Variants in DIP2B observed in about 807,000 individuals in gnomAD.
DIP2B encodes the protein DIP2 acetate--CoA ligase B (putative), also known as disco-interacting protein 2 homolog B.
In DIP2B, 76 loss-of-function variants were observed where a neutral mutation model predicts 198.0. That is an observed-to-expected ratio of 0.38 (90% confidence interval 0.32 to 0.46). The LOEUF is 0.46. Ranked by LOEUF, DIP2B falls within the 20% of genes least tolerant of loss-of-function variation. The probability of loss-of-function intolerance (pLI) is 0.99; values close to 1 mark genes in which losing one functional copy is unlikely to be tolerated. For missense variants in DIP2B, 1,559 were observed against 1,978.4 expected (o/e 0.79, Z 4.02); for synonymous variants, 701 against 739.1 (o/e 0.95, Z 0.84).
intron 1 of DIP2B, among the ~76,000 whole-genome samples, chr12:50,617,626 T>C (rs1295421625): frequency 1.3e-5 from 2 of 151,842 alleles, no homozygotes; most frequent in Admixed American, 1.3e-4. Context: ...CTGGCCAACA[T>C]GGTGAAACCC....
At chr12:50,655,102 T>C (rs1593691214) in intron 3 of DIP2B, 1 of 417,208 alleles carries the variant, frequency 2.4e-6, no homozygotes, top group African/African-American at 2.1e-5. Context: ...TATTTTTAAC[T>C]GTAAAATATT....
chr12:50,583,137 T>C (rs1958740290), intron 1 of DIP2B, among the ~76,000 whole-genome samples: 1 of 152,200 alleles, frequency 6.6e-6, no homozygotes, highest in African/African-American at 2.4e-5. Context: ...GCCCTACTGG[T>C]AAATTTGTTT....
intron 2 of DIP2B, among the ~76,000 whole-genome samples, chr12:50,627,349 T>C (rs1430282198): frequency 6.6e-6 from 1 of 152,212 alleles, no homozygotes; most frequent in African/African-American, 2.4e-5. Flanking sequence ...AATTTTTTTT[T>C]TTTAGACAGA....
chr12:50,673,669 C>A (rs1053940739), intron 5 of DIP2B, among the ~76,000 whole-genome samples: 1 of 152,128 alleles, frequency 6.6e-6, no homozygotes, highest in Admixed American at 6.5e-5. Context: ...CACCTGTGGT[C>A]CCCATACTTG....
intron 1 of DIP2B, among the ~76,000 whole-genome samples, chr12:50,585,890 A>G (rs922856463): frequency 6.6e-6 from 1 of 152,218 alleles, no homozygotes; most frequent in Non-Finnish European, 1.5e-5. Context: ...TCTAAAAATG[A>G]ATGTATCTAT....
chr12:50,584,856 G>A (rs755554912), intron 1 of DIP2B, among the ~76,000 whole-genome samples: 1 of 152,134 alleles, frequency 6.6e-6, no homozygotes, highest in Non-Finnish European at 1.5e-5. Context: ...GAACCACCGC[G>A]CCTGGCCAAA....
chr12:50,666,046 G>A (rs916001143), intron 4 of DIP2B, among the ~76,000 whole-genome samples: 1 of 152,198 alleles, frequency 6.6e-6, no homozygotes, highest in Non-Finnish European at 1.5e-5. Flanking sequence ...CTAATTAATA[G>A]AGTCAGATCA....
At chr12:50,579,723 A>C (rs1221431909) in intron 1 of DIP2B, among the ~76,000 whole-genome samples, 2 of 123,202 alleles carry the variant, frequency 1.6e-5, no homozygotes, top group Admixed American at 9.3e-5. Flanking sequence ...ATATATACAT[A>C]GCTTCATGGA....
At chr12:50,525,725 C>G (rs1035361901) in intron 1 of DIP2B, among the ~76,000 whole-genome samples, 1 of 152,090 alleles carries the variant, frequency 6.6e-6, no homozygotes, top group African/African-American at 2.4e-5. Context: ...GTTGCCCAGA[C>G]TTGTCTTGAA....
At chr12:50,694,641 G>C (rs1226422437) in intron 14 of DIP2B, among the ~76,000 whole-genome samples, 1 of 139,588 alleles carries the variant, frequency 7.2e-6, no homozygotes, top group Non-Finnish European at 1.5e-5. Flanking sequence ...GCAACATAGT[G>C]AAACCCCTGT....
chr12:50,636,836 G>A (rs1457318922), intron 2 of DIP2B, among the ~76,000 whole-genome samples: 1 of 152,150 alleles, frequency 6.6e-6, no homozygotes, highest in African/African-American at 2.4e-5. Flanking sequence ...TCTGGGTCAG[G>A]ATCTGTTCAG....
chr12:50,695,842 T>A lies in DIP2B; in HGVS notation c.1814-6T>A, dbSNP rs1229186427. ...TATGTTAACTTCATCCTTTTTGAATTTATAGCCAAGGTAGCTTTAGTAAAA... is the reference window on the plus strand; with the variant it reads ...TATGTTAACTTCATCCTTTTTGAATATATAGCCAAGGTAGCTTTAGTAAAA... On this transcript the variant is annotated splice_region_variant and splice_polypyrimidine_tract_variant and intron_variant, in intron 15 of 37. Coordinates refer to ENST00000301180, the MANE Select transcript of DIP2B (RefSeq NM_173602.3). 6.2e-7 allele frequency: 1 copy of A among 1,614,020 alleles called. No homozygotes were observed. Among genetic ancestry groups the A allele is most frequent in the Admixed American group, 1.7e-5 (1 of 60,022 alleles).
At position 50,693,026 on chromosome 12, in the gene DIP2B, G is replaced by C. The variant is rs748201705; in HGVS notation, c.1719+13G>C. 29 of 1,607,390 alleles carry C rather than the reference G, an allele frequency of 1.8e-5. No individual in the cohort carries two copies. The highest frequency in any genetic ancestry group is 2.5e-5 in the Non-Finnish European group (29 of 1,178,338). Reference sequence around the variant, plus strand: ...CGGCATGTTTGCGGTAAGCTACTCAGATTTAAGGCCCTTAGTGTAAATTGT... The same window carrying C: ...CGGCATGTTTGCGGTAAGCTACTCACATTTAAGGCCCTTAGTGTAAATTGT... On this transcript the variant is annotated intron_variant, in intron 14 of 37. Coordinates refer to ENST00000301180, the MANE Select transcript of DIP2B (RefSeq NM_173602.3).
chr12:50,697,778 T>A (rs1329895230), intron 17 of DIP2B, among the ~76,000 whole-genome samples: 2 of 150,838 alleles, frequency 1.3e-5, no homozygotes, highest in African/African-American at 4.9e-5. Flanking sequence ...CAGTCCACCT[T>A]CCTTGTCCTC....
intron 22 of DIP2B, among the ~76,000 whole-genome samples, chr12:50,712,540 G>T (rs1393393624): frequency 6.6e-6 from 1 of 151,870 alleles, no homozygotes; most frequent in Non-Finnish European, 1.5e-5. Context: ...GGAGGTGGAG[G>T]TTGTGGTGAC....
intron 1 of DIP2B, among the ~76,000 whole-genome samples, chr12:50,558,697 CAG>C (rs1958492162): frequency 6.6e-6 from 1 of 152,110 alleles, no homozygotes; most frequent in Non-Finnish European, 1.5e-5. Context: ...AAGAACAAAA[CAG>C]AACTGCAGAA....
chr12:50,539,142 T>G (rs1023316802), intron 1 of DIP2B, among the ~76,000 whole-genome samples: 4 of 152,172 alleles, frequency 2.6e-5, no homozygotes, highest in African/African-American at 7.2e-5. Flanking sequence ...GCTTTTTGTC[T>G]TTGGAGTTCT....
intron 1 of DIP2B, among the ~76,000 whole-genome samples, chr12:50,616,461 C>T (rs992916183): frequency 6.6e-6 from 1 of 152,162 alleles, no homozygotes; most frequent in African/African-American, 2.4e-5. Context: ...AGTAGTTTAA[C>T]AGAGCTTTAT....
chr12:50,582,430 G>A (rs1442968948), intron 1 of DIP2B, among the ~76,000 whole-genome samples: 2 of 152,056 alleles, frequency 1.3e-5, no homozygotes, highest in Non-Finnish European at 2.9e-5. Flanking sequence ...GATTACAGGC[G>A]TGACCCACCA....
Sources: allele counts gnomAD v4.1 joint callset (sites outside exome capture counted in the v4.1 genomes callset), GRCh38; gene constraint gnomAD v4.1.1; transcripts MANE v1.5; gene names NCBI Gene and HGNC (gene_info 2026-07-23, HGNC 2026-07-21).